MCTP1: variants seen among roughly 807,000 people sequenced by gnomAD.
MCTP1 encodes the protein multiple C2 and transmembrane domain-containing protein 1.
MCTP1 carries 69 observed loss-of-function variants against 120.6 expected under a neutral mutation model. The observed-to-expected ratio is 0.57, with a 90% CI of 0.47 to 0.70. MCTP1 has a LOEUF of 0.70. MCTP1 is among the 30% of genes least tolerant of loss of function. MCTP1 has a pLI of 0.00. For synonymous variants in MCTP1, 529 were observed against 493.1 expected (o/e 1.07, Z -0.96); for missense variants, 1,203 against 1,248.8 (o/e 0.96, Z 0.55).
intron 1 of MCTP1, among the ~76,000 whole-genome samples, chr5:95,076,480 T>C (rs1472255852): frequency 6.6e-6 from 1 of 150,466 alleles, no homozygotes; most frequent in Non-Finnish European, 1.5e-5. Flanking sequence ...GGAATCCCTA[T>C]CTTAAAATAG....
At chr5:94,882,695 C>T (rs1312324721) in intron 12 of MCTP1, among the ~76,000 whole-genome samples, 3 of 152,020 alleles carry the variant, frequency 2.0e-5, no homozygotes, top group Admixed American at 1.3e-4. Flanking sequence ...TCTACAGAAC[C>T]TGATTAATTA....
At chr5:95,170,684 T>G (rs1219967901) in intron 1 of MCTP1, among the ~76,000 whole-genome samples, 1 of 152,228 alleles carries the variant, frequency 6.6e-6, no homozygotes, top group Non-Finnish European at 1.5e-5. Context: ...TTGTCTCTTT[T>G]GATCTTTGTT....
In MCTP1 at chr5:94,909,332, T is replaced by C; in HGVS notation, c.1571A>G (p.His524Arg). 1.2e-6 allele frequency: 2 copies of C among 1,609,118 alleles called. No homozygotes were observed. The highest frequency in any genetic ancestry group is 1.7e-5 in the Admixed American group (1 of 59,184). The change falls in exon 10 of 23, where the codon CAC becomes CGC. Residue 524 changes from histidine (H) to arginine (R), a missense_variant. Transcript: ENST00000515393. The stretch of plus-strand genomic sequence containing the variant: ...GACTCCTCCTCTTTCTTCATAAAGG[T>C]GAAAATCAAATTGTTCCCTCCACTG... ...NPQWREQFDF[H>R]LYEERGGVID...
In MCTP1 at chr5:94,931,936, C is replaced by G; in HGVS notation, c.1212+17G>C. On this transcript the variant is annotated intron_variant, in intron 6 of 22. Coordinates refer to ENST00000515393, the MANE Select transcript of MCTP1 (RefSeq NM_024717.7). ...TGCTCAACAAGAAAAGCTGAAAGATCACAAGCTAAGAATTACCTTACTTGA... is the reference window on the plus strand; with the variant it reads ...TGCTCAACAAGAAAAGCTGAAAGATGACAAGCTAAGAATTACCTTACTTGA... 2 of 1,591,834 alleles carry G rather than the reference C, an allele frequency of 1.3e-6. No individual in the cohort carries two copies. The highest frequency in any genetic ancestry group is 1.1e-5 in the South Asian group (1 of 90,286).
At chr5:94,976,168 A>G (rs961202600) in intron 2 of MCTP1, among the ~76,000 whole-genome samples, 6 of 152,190 alleles carry the variant, frequency 3.9e-5, no homozygotes, top group Non-Finnish European at 1.5e-5. Flanking sequence ...TACCACTTCT[A>G]CAACAGTAAG....
At chr5:94,866,046 TA>T (rs1476417017) in intron 17 of MCTP1, among the ~76,000 whole-genome samples, 1 of 151,978 alleles carries the variant, frequency 6.6e-6, no homozygotes, top group East Asian at 1.9e-4. Context: ...GTTTAGAATA[TA>T]AATGGAAACG....
At chr5:95,027,228 C>T (rs930609823) in intron 1 of MCTP1, among the ~76,000 whole-genome samples, 4 of 152,114 alleles carry the variant, frequency 2.6e-5, no homozygotes, top group Non-Finnish European at 5.9e-5. Flanking sequence ...GTATGTCAGC[C>T]GTGGTGTCTA....
intron 1 of MCTP1, among the ~76,000 whole-genome samples, chr5:95,224,942 T>C (rs1754092634): frequency 6.6e-6 from 1 of 152,210 alleles, no homozygotes; most frequent in Non-Finnish European, 1.5e-5. Flanking sequence ...CTCTCTGCCA[T>C]GTATAAATGA....
chr5:94,802,300 G>T (rs1256506199), intron 17 of MCTP1, among the ~76,000 whole-genome samples: 1 of 152,058 alleles, frequency 6.6e-6, no homozygotes, highest in Non-Finnish European at 1.5e-5. Context: ...TAAAGAACAT[G>T]AACACAGATT....
intron 1 of MCTP1, among the ~76,000 whole-genome samples, chr5:95,274,975 A>G (rs1247072203): frequency 6.6e-6 from 1 of 152,070 alleles, no homozygotes; most frequent in Non-Finnish European, 1.5e-5. Context: ...ATACCCCCGC[A>G]ACCACTGCAG....
intron 19 of MCTP1, among the ~76,000 whole-genome samples, chr5:94,725,099 T>G (rs1365989451): frequency 6.6e-6 from 1 of 152,190 alleles, no homozygotes; most frequent in Non-Finnish European, 1.5e-5. Flanking sequence ...TGAAAGCACG[T>G]GAACCTGTGA....
intron 1 of MCTP1, among the ~76,000 whole-genome samples, chr5:95,021,186 T>C (rs1049195261): frequency 6.6e-6 from 1 of 152,068 alleles, no homozygotes; most frequent in African/African-American, 2.4e-5. Context: ...ACTAAACTAA[T>C]ACTACTACCT....
chr5:95,132,923 C>T (rs1181485685), intron 1 of MCTP1, among the ~76,000 whole-genome samples: 3 of 152,266 alleles, frequency 2.0e-5, no homozygotes, highest in Middle Eastern at 3.4e-3. Flanking sequence ...GCTGACCCCT[C>T]GCTCAATAAG....
chr5:94,894,765 C>T lies in MCTP1; in HGVS notation c.1723G>A (p.Glu575Lys). Residue 575 changes from glutamate to lysine, a missense_variant, in exon 11 of 23, where the codon GAG becomes AAG. Around this residue, in one of 2 missense-constraint regions of MCTP1, gnomAD observed 740 missense variants for 871.1 expected, o/e 0.85. Coordinates refer to ENST00000515393, the MANE Select transcript of MCTP1 (RefSeq NM_024717.7). The part of the protein sequence containing the change: ...HKLELQLEEG[E>K]GHLVLLVTLT... ...GTGACCAGCAGCACCAGGTGTCCCT[C>T]ACCCTCTTCCAGCTGCAACTCCAGC... 6.2e-7 allele frequency: 1 copy of T among 1,613,624 alleles called. No individual in the cohort carries two copies. The highest frequency in any genetic ancestry group is 8.5e-7 in the Non-Finnish European group (1 of 1,179,638).
chr5:94,868,319 C>G lies in MCTP1; in HGVS notation c.2436+14G>C. On this transcript the variant is annotated intron_variant, in intron 17 of 22. Coordinates refer to ENST00000515393, the MANE Select transcript of MCTP1 (RefSeq NM_024717.7). ...TTAATGAATAACAATGTAAGTAATA[C>G]AGTATGATCATACCACAAAAGCAGC... The G allele has an allele frequency of 3.8e-6, 6 of 1,582,188 alleles. No individual in the cohort carries two copies. Among genetic ancestry groups the G allele is most frequent in the Non-Finnish European group, 5.1e-6 (6 of 1,167,212 alleles).
intron 1 of MCTP1, among the ~76,000 whole-genome samples, chr5:95,040,107 C>A (rs778224249): frequency 6.6e-6 from 1 of 151,982 alleles, no homozygotes; most frequent in Non-Finnish European, 1.5e-5. Context: ...CATGTGAGGT[C>A]CCCCCTGCCT....
At chr5:94,787,680 G>C (rs924504788) in intron 18 of MCTP1, among the ~76,000 whole-genome samples, 4 of 151,024 alleles carry the variant, frequency 2.6e-5, no homozygotes, top group Admixed American at 2.6e-4. Context: ...GCAGTGGCGC[G>C]ATCTCGGCTC....
chr5:95,139,514 C>A (rs770246570), intron 1 of MCTP1, among the ~76,000 whole-genome samples: 4 of 152,134 alleles, frequency 2.6e-5, no homozygotes, highest in Admixed American at 6.5e-5. Flanking sequence ...TTTACATTTT[C>A]CCCTTTTTTT....
chr5:94,731,935 A>G (rs996638013), intron 19 of MCTP1, among the ~76,000 whole-genome samples: 1 of 152,130 alleles, frequency 6.6e-6, no homozygotes, highest in African/African-American at 2.4e-5. Flanking sequence ...TTATTCTTTT[A>G]CCTTAGGAGA....
Sources: allele counts gnomAD v4.1 joint callset (sites outside exome capture counted in the v4.1 genomes callset), GRCh38; gene constraint gnomAD v4.1.1; regional missense constraint gnomAD v4.1.1; transcripts MANE v1.5; gene names NCBI Gene and HGNC (gene_info 2026-07-23, HGNC 2026-07-21).